KIRREL1: variants seen among roughly 807,000 people sequenced by gnomAD.
The protein encoded by KIRREL1 is kirre like nephrin family adhesion molecule 1.
In KIRREL1, 25 loss-of-function variants were observed where a neutral mutation model predicts 83.3. The observed-to-expected ratio is 0.30, with a 90% CI of 0.22 to 0.42. The LOEUF is 0.42. Among genes scored for constraint, KIRREL1 ranks in the 10% least tolerant of loss-of-function variants. The pLI is 1.00. For synonymous variants in KIRREL1, 388 were observed against 410.4 expected (o/e 0.95, Z 0.66); for missense variants, 812 against 1,032.3 (o/e 0.79, Z 2.92).
Position 158,072,801 on chromosome 1 carries a change from G to A in KIRREL1, c.53-3312G>A, listed in dbSNP as rs189161248. Among the ~76,000 whole-genome samples the A allele has an allele frequency of 2.6e-3, 400 of 152,190 alleles. 1 individual carries two copies. The highest frequency in any genetic ancestry group is 6.8e-3 in the Middle Eastern group (2 of 294). ...TGACATGTGGTGGCGAGGGGGATGT[G>A]GGAGAGCAGAGGAGAAAGCCTAGAA... On this transcript the variant is annotated intron_variant, in intron 1 of 14. Transcript: ENST00000359209.
chr1:157,993,652 G>A lies in KIRREL1; in HGVS notation c.-25G>A. On this transcript the variant is annotated 5_prime_UTR_variant, in exon 1 of 15. Coordinates refer to ENST00000359209, the MANE Select transcript of KIRREL1 (RefSeq NM_018240.7). ...TCGCCAACTCCGGGCCCCAGCCGCG[G>A]GCGGGCGCACGGCGGGCGGACAGCA... 6.8e-7 allele frequency: 1 copy of A among 1,470,328 alleles called. No homozygotes were observed. The highest frequency in any genetic ancestry group is 9.0e-7 in the Non-Finnish European group (1 of 1,107,066). 91.1% of individuals were successfully genotyped at this position (1,470,328 alleles called of 1,614,324 possible). A position where few individuals can be genotyped will look rare whatever the true frequency, so the allele number is the denominator to read the frequency against.
At chr1:158,014,679 A>T (rs1338792023) in intron 1 of KIRREL1, among the ~76,000 whole-genome samples, 1 of 4,188 alleles carries the variant, frequency 2.4e-4, no homozygotes, top group Non-Finnish European at 4.3e-4. Flanking sequence ...TATAGTCTTT[A>T]TGGGGGGGGG....
intron 1 of KIRREL1, among the ~76,000 whole-genome samples, chr1:158,048,668 C>G (rs550399486): frequency 3.4e-4 from 52 of 152,224 alleles, no homozygotes; most frequent in Non-Finnish European, 5.9e-4. Flanking sequence ...TGCACACATA[C>G]AAAAATAGCA....
At chr1:158,039,478 A>G (rs1477639870) in intron 1 of KIRREL1, among the ~76,000 whole-genome samples, 1 of 152,198 alleles carries the variant, frequency 6.6e-6, no homozygotes. Context: ...GCTGGAGGAC[A>G]CAAAAGCAGC....
intron 1 of KIRREL1, among the ~76,000 whole-genome samples, chr1:158,010,362 C>CACACACA (rs1553236082): frequency 2.6e-4 from 34 of 130,882 alleles, no homozygotes; most frequent in African/African-American, 3.5e-4. Context: ...CACACACACA[C>CACACACA]CCCACACAGT....
chr1:158,060,713 G>C (rs1661193362), intron 1 of KIRREL1, among the ~76,000 whole-genome samples: 5 of 152,190 alleles, frequency 3.3e-5, no homozygotes. Flanking sequence ...AGCCCAGCCA[G>C]GAGCAAGTGA....
chr1:158,034,983 A>G (rs1460098816), intron 1 of KIRREL1, among the ~76,000 whole-genome samples: 1 of 150,016 alleles, frequency 6.7e-6, no homozygotes, highest in Non-Finnish European at 1.5e-5. Flanking sequence ...TCTTTACTGA[A>G]CTGGTTGTGT....
At chr1:157,994,045 G>T (rs1033348081) in intron 1 of KIRREL1, among the ~76,000 whole-genome samples, 2 of 152,240 alleles carry the variant, frequency 1.3e-5, no homozygotes, top group Non-Finnish European at 2.9e-5. Flanking sequence ...TGAGCTTCTG[G>T]CAGCCCTACC....
chr1:158,064,631 T>A (rs1327100032), intron 1 of KIRREL1, among the ~76,000 whole-genome samples: 1 of 152,240 alleles, frequency 6.6e-6, no homozygotes, highest in African/African-American at 2.4e-5. Context: ...GAAAATTTTA[T>A]GTGAATAACA....
At chr1:158,064,539 C>T (rs944612825) in intron 1 of KIRREL1, among the ~76,000 whole-genome samples, 1 of 152,188 alleles carries the variant, frequency 6.6e-6, no homozygotes, top group African/African-American at 2.4e-5. Flanking sequence ...ACCTAGAGCC[C>T]TCCGGAGCAT....
intron 3 of KIRREL1, among the ~76,000 whole-genome samples, chr1:158,079,630 G>GT (rs934207413): frequency 7.2e-5 from 11 of 152,272 alleles, no homozygotes; most frequent in South Asian, 2.1e-4. Flanking sequence ...CTGTTGTTTT[G>GT]TTTTTTGTTT....
At chr1:158,013,202 G>C (rs956746748) in intron 1 of KIRREL1, among the ~76,000 whole-genome samples, 3 of 152,160 alleles carry the variant, frequency 2.0e-5, no homozygotes, top group African/African-American at 7.2e-5. Flanking sequence ...ATGTTGTTGA[G>C]GATGAAGTAA....
At chr1:158,083,435 A>G (rs867121272) in intron 3 of KIRREL1, among the ~76,000 whole-genome samples, 26 of 152,224 alleles carry the variant, frequency 1.7e-4, no homozygotes, top group African/African-American at 5.3e-4. Flanking sequence ...AAGCACTTCA[A>G]TAGAAGCTGT....
intron 1 of KIRREL1, among the ~76,000 whole-genome samples, chr1:158,055,840 C>T (rs1661042174): frequency 6.6e-6 from 1 of 152,186 alleles, no homozygotes; most frequent in Non-Finnish European, 1.5e-5. Context: ...GCCTGCACTG[C>T]CAATGGAGCA....
chr1:158,078,170 G>A (rs752187265), intron 3 of KIRREL1, 30 bp downstream of exon 3: 9 of 1,605,124 alleles, frequency 5.6e-6, no homozygotes, highest in South Asian at 1.1e-5. Context: ...TCAGTACTTC[G>A]AGGCCCTGTC....
chr1:158,007,385 G>A (rs538508029), intron 1 of KIRREL1, among the ~76,000 whole-genome samples: 4 of 152,228 alleles, frequency 2.6e-5, no homozygotes, highest in African/African-American at 4.8e-5. Context: ...AAGTGAAGAC[G>A]ATTCTTATAG....
intron 3 of KIRREL1, among the ~76,000 whole-genome samples, chr1:158,082,996 C>T (rs1661907871): frequency 6.6e-6 from 1 of 152,136 alleles, no homozygotes; most frequent in African/African-American, 2.4e-5. Context: ...ATTAATTCAG[C>T]AAATATCCCT....
At chr1:158,086,850 T>G (rs996425330) in intron 5 of KIRREL1, 104 bp downstream of exon 5, 25 of 1,068,400 alleles carry the variant, frequency 2.3e-5, no homozygotes, top group African/African-American at 4.7e-5. Flanking sequence ...AGTCCCCCTA[T>G]GGTCCCCAGG....
intron 1 of KIRREL1, among the ~76,000 whole-genome samples, chr1:158,054,871 G>A (rs557659595): frequency 3.3e-5 from 5 of 152,310 alleles, no homozygotes; most frequent in East Asian, 3.9e-4. Context: ...ACAATAGAGC[G>A]ACAGGGAAGA....
Sources: gnomAD v4.1 joint callset for allele counts (sites outside exome capture counted in the v4.1 genomes callset) on GRCh38, gnomAD v4.1.1 for gene constraint, MANE v1.5 for transcripts, NCBI Gene and HGNC (gene_info 2026-07-23, HGNC 2026-07-21) for gene names.